Variants in HMCN1 observed in about 807,000 individuals in gnomAD.
The protein encoded by HMCN1 is hemicentin-1.
In HMCN1, 321 loss-of-function variants were observed where a neutral mutation model predicts 625.9. The ratio of observed to expected loss-of-function variants is 0.51; its 90% CI spans 0.47 to 0.56. The LOEUF is 0.56. HMCN1 is among the 20% of genes least tolerant of loss of function. HMCN1 has a pLI of 0.00. For missense variants in HMCN1, 6,588 were observed against 6,887.3 expected (o/e 0.96, Z 1.54); for synonymous variants, 2,425 against 2,417.6 (o/e 1.00, Z -0.09).
intron 4 of HMCN1, among the ~76,000 whole-genome samples, chr1:185,893,469 T>C (rs183376086): frequency 3.3e-4 from 50 of 152,322 alleles, no homozygotes; most frequent in African/African-American, 1.1e-3. Context: ...GTTTTAAGAG[T>C]TGGAAAATCA....
intron 36 of HMCN1, among the ~76,000 whole-genome samples, chr1:186,036,588 A>AT (rs1655840791): frequency 6.6e-6 from 1 of 150,580 alleles, no homozygotes; most frequent in Admixed American, 6.6e-5. Context: ...CCATACAAGT[A>AT]TTTTTTCTTT....
intron 1 of HMCN1, among the ~76,000 whole-genome samples, chr1:185,821,082 T>A (rs941037175): frequency 2.0e-5 from 3 of 151,900 alleles, no homozygotes; most frequent in African/African-American, 7.2e-5. Flanking sequence ...AGTCACAGGA[T>A]GTACTATTGC....
chr1:186,139,314 A>G (rs564462431), intron 89 of HMCN1, among the ~76,000 whole-genome samples: 1 of 152,340 alleles, frequency 6.6e-6, no homozygotes, highest in East Asian at 1.9e-4. Context: ...AAAACTAAGT[A>G]CTGTCCTGAC....
intron 4 of HMCN1, among the ~76,000 whole-genome samples, chr1:185,900,113 A>G (rs2102430907): frequency 6.6e-6 from 1 of 151,978 alleles, no homozygotes; most frequent in Admixed American, 6.6e-5. Context: ...TTTTCCAGGC[A>G]TCTGGATTAC....
chr1:185,809,420 C>T (rs1659372557), intron 1 of HMCN1, among the ~76,000 whole-genome samples: 1 of 151,702 alleles, frequency 6.6e-6, no homozygotes, highest in Admixed American at 6.6e-5. Flanking sequence ...CATCACTAGA[C>T]ATTCCTGGGC....
At chr1:185,973,251 T>C (rs774629899) in intron 15 of HMCN1, among the ~76,000 whole-genome samples, 1 of 152,162 alleles carries the variant, frequency 6.6e-6, no homozygotes, top group Non-Finnish European at 1.5e-5. Flanking sequence ...TGTAAATGAA[T>C]ATTAACTTCA....
rs369639687 is a variant in HMCN1, at chr1:185,962,634, G to A, written c.1945G>A (p.Asp649Asn). The A allele has an allele frequency of 1.1e-5, 18 of 1,590,166 alleles. No homozygotes were observed. The African/African-American group carries it at 1.6e-4, about 14-fold the overall frequency. The part of the protein sequence containing the change: ...PKPKIAWTVN[D>N]MFIVGSHRYR... ...ACCAAAGATTGCCTGGACCGTTAACGATATGTTTATCGTGGGTTCACACAG... is the reference window on the plus strand; with the variant it reads ...ACCAAAGATTGCCTGGACCGTTAACAATATGTTTATCGTGGGTTCACACAG... The change falls in exon 12 of 107, where the codon GAT becomes AAT. Residue 649 changes from aspartate (D) to asparagine (N), a missense_variant. Physicochemically the swap from Asp to Asn is conservative, Grantham distance 23 (BLOSUM62 1). Transcript: ENST00000271588.
Position 186,171,340 on chromosome 1 carries a change from T to C in HMCN1, c.15578T>C (p.Ile5193Thr), listed in dbSNP as rs772728509. The change falls in exon 101 of 107, where the codon ATT becomes ACT. Residue 5193 changes from isoleucine to threonine, a missense_variant. Physicochemically the swap from Ile to Thr is moderately conservative, Grantham distance 89. This residue lies in a region of HMCN1 where 1,954 missense variants were observed against 2,013.1 expected (regional missense o/e 0.97). Coordinates refer to ENST00000271588, the MANE Select transcript of HMCN1 (RefSeq NM_031935.3). The part of the protein sequence containing the change: ...RTSDGLSCQD[I>T]NECQESSPCH... ...AAAGTTTTGTTTTATTTAACAGATATTAATGAATGTCAAGAATCCAGCCCC... is the reference window on the plus strand; with the variant it reads ...AAAGTTTTGTTTTATTTAACAGATACTAATGAATGTCAAGAATCCAGCCCC... 6.2e-7 allele frequency: 1 copy of C among 1,610,510 alleles called. No individual in the cohort carries two copies. The highest frequency in any genetic ancestry group is 8.5e-7 in the Non-Finnish European group (1 of 1,176,878).
At chr1:185,757,932 T>A (rs942581348) in intron 1 of HMCN1, among the ~76,000 whole-genome samples, 5 of 152,194 alleles carry the variant, frequency 3.3e-5, no homozygotes, top group Non-Finnish European at 5.9e-5. Context: ...TATCCTCTAC[T>A]CCACTGTAGG....
intron 105 of HMCN1, among the ~76,000 whole-genome samples, chr1:186,184,379 C>T (rs10489752): frequency 0.058 from 8,862 of 152,106 alleles, 602 homozygotes; most frequent in African/African-American, 0.16. Context: ...CTGATACAAA[C>T]GTCAATAATA....
intron 40 of HMCN1, among the ~76,000 whole-genome samples, chr1:186,042,923 A>G (rs904134238): frequency 1.2e-4 from 19 of 152,172 alleles, no homozygotes; most frequent in African/African-American, 4.6e-4. Context: ...GGAAGTAGAT[A>G]GTAGGCAAAA....
chr1:185,981,157 T>TA (rs144596190), intron 17 of HMCN1, 84 bp downstream of exon 17: 974 of 831,624 alleles, frequency 1.2e-3, no homozygotes, highest in East Asian at 1.7e-3. Context: ...CTGTGCCACT[T>TA]AAAAAAAAAC....
chr1:185,963,674 C>T (rs1013736641), intron 12 of HMCN1, 94 bp from the exon 13 acceptor site: 15 of 957,030 alleles, frequency 1.6e-5, no homozygotes, highest in Admixed American at 9.2e-5. Context: ...AACTCTACAA[C>T]GTTTGAAAAT....
chr1:186,167,435 A>G (rs1651947700), intron 100 of HMCN1, among the ~76,000 whole-genome samples: 1 of 152,160 alleles, frequency 6.6e-6, no homozygotes, highest in African/African-American at 2.4e-5. Context: ...CTCACTATCA[A>G]TATCTCACAC....
chr1:185,962,645 C>T lies in HMCN1; in HGVS notation c.1956C>T (p.Ile652=), dbSNP rs766591582. ...KIAWTVNDMF[I]VGSHRYRMTS... ...CCTGGACCGTTAACGATATGTTTAT[C>T]GTGGGTTCACACAGGTACTGGGTTT... is the stretch of plus-strand genomic sequence containing the variant. The change falls in exon 12 of 107, where the codon ATC becomes ATT. Residue 652 remains isoleucine (I), a synonymous_variant. Transcript: ENST00000271588. 33 of 1,578,388 alleles carry T rather than the reference C, an allele frequency of 2.1e-5. No homozygotes were observed. In the East Asian group the frequency reaches 3.6e-4, roughly 17 times the overall value.
At chr1:186,071,199 T>C (rs1306166381) in intron 52 of HMCN1, among the ~76,000 whole-genome samples, 1 of 152,156 alleles carries the variant, frequency 6.6e-6, no homozygotes, top group Non-Finnish European at 1.5e-5. Flanking sequence ...GAATGACAGG[T>C]ATAACATGGG....
intron 50 of HMCN1, among the ~76,000 whole-genome samples, chr1:186,068,838 C>CA (rs1163235207): frequency 6.9e-6 from 1 of 143,906 alleles, no homozygotes; most frequent in Non-Finnish European, 1.5e-5. Context: ...CACTGCACTC[C>CA]AGCCTGGGCA....
intron 2 of HMCN1, among the ~76,000 whole-genome samples, chr1:185,847,567 C>A (rs1165431444): frequency 6.6e-6 from 1 of 152,190 alleles, no homozygotes; most frequent in Non-Finnish European, 1.5e-5. Context: ...TTCCATCCAG[C>A]ACCTATCCTA....
At chr1:186,158,484 G>T (rs1182178498) in intron 97 of HMCN1, among the ~76,000 whole-genome samples, 1 of 152,114 alleles carries the variant, frequency 6.6e-6, no homozygotes, top group Non-Finnish European at 1.5e-5. Context: ...CATTGCTTTT[G>T]GTGTTTTAGA....
Sources: allele counts gnomAD v4.1 joint callset (sites outside exome capture counted in the v4.1 genomes callset), GRCh38; gene constraint gnomAD v4.1.1; regional missense constraint gnomAD v4.1.1; transcripts MANE v1.5; gene names NCBI Gene and HGNC (gene_info 2026-07-23, HGNC 2026-07-21).